The following PRUNE2 variants were observed in gnomAD, a reference collection of about 807,000 sequenced individuals.
PRUNE2 encodes the protein prune homolog 2 with BCH domain, also known as protein prune homolog 2.
A neutral mutation model predicts 252.0 loss-of-function variants in PRUNE2; 164 were observed. The observed-to-expected ratio is 0.65, with a 90% CI of 0.57 to 0.74. PRUNE2 has a LOEUF of 0.74. Ranked by LOEUF, PRUNE2 falls within the 30% of genes least tolerant of loss-of-function variation. The pLI is 0.00. For missense variants in PRUNE2, 3,495 were observed against 3,711.0 expected, an observed-to-expected ratio of 0.94 and a Z score of 1.51; for synonymous variants, 1,292 against 1,350.2, an observed-to-expected ratio of 0.96 and a Z score of 0.94.
At chr9:76,819,799 C>G (rs954075998) in intron 6 of PRUNE2, among the ~76,000 whole-genome samples, 1 of 152,154 alleles carries the variant, frequency 6.6e-6, no homozygotes, top group Non-Finnish European at 1.5e-5. Context: ...CGTGAGCAAC[C>G]TTGCTTCAGT....
chr9:76,619,952 T>C (rs1263408453), intron 17 of PRUNE2, among the ~76,000 whole-genome samples: 1 of 152,220 alleles, frequency 6.6e-6, no homozygotes, highest in African/African-American at 2.4e-5. Context: ...CAACTGAGTA[T>C]GCCCAGAAAA....
intron 9 of PRUNE2, among the ~76,000 whole-genome samples, chr9:76,699,697 C>A (rs539312564): frequency 2.6e-5 from 4 of 152,326 alleles, no homozygotes; most frequent in Admixed American, 2.0e-4. Context: ...CCTTAAAATT[C>A]TCTCAGTAGC....
At chr9:76,814,965 A>G (rs1237663800) in intron 6 of PRUNE2, among the ~76,000 whole-genome samples, 2 of 152,102 alleles carry the variant, frequency 1.3e-5, no homozygotes, top group African/African-American at 2.4e-5. Flanking sequence ...AAATAACTGT[A>G]TTTGTGGCTA....
chr9:76,891,791 C>T (rs1008182869), intron 1 of PRUNE2, among the ~76,000 whole-genome samples: 2 of 152,160 alleles, frequency 1.3e-5, no homozygotes, highest in African/African-American at 2.4e-5. Context: ...AGAGAATCTA[C>T]GCCCACCTCT....
chr9:76,628,961 C>T (rs1286812345), intron 16 of PRUNE2, among the ~76,000 whole-genome samples: 3 of 152,018 alleles, frequency 2.0e-5, no homozygotes, highest in African/African-American at 4.8e-5. Flanking sequence ...CCTCCCATCT[C>T]AGCCCCCTGA....
chr9:76,674,666 C>T (rs1379243576), intron 9 of PRUNE2, among the ~76,000 whole-genome samples: 1 of 148,134 alleles, frequency 6.8e-6, no homozygotes, highest in Non-Finnish European at 1.5e-5. Context: ...TCAAACTATA[C>T]TACAAGGCAA....
intron 1 of PRUNE2, among the ~76,000 whole-genome samples, chr9:76,859,867 T>C (rs2060457060): frequency 6.6e-6 from 1 of 152,146 alleles, no homozygotes; most frequent in South Asian, 2.1e-4. Flanking sequence ...CATGCCCAGC[T>C]AATTTTTCTT....
intron 9 of PRUNE2, among the ~76,000 whole-genome samples, chr9:76,696,692 C>T (rs1286687158): frequency 1.3e-5 from 2 of 152,232 alleles, no homozygotes; most frequent in Non-Finnish European, 2.9e-5. Context: ...TCCCAAAATG[C>T]TGGGATTACA....
At chr9:76,828,587 A>G (rs1454046824) in intron 4 of PRUNE2, among the ~76,000 whole-genome samples, 1 of 152,222 alleles carries the variant, frequency 6.6e-6, no homozygotes, top group Non-Finnish European at 1.5e-5. Flanking sequence ...TGGATAAGAA[A>G]AAAGGAAAGA....
chr9:76,711,999 G>A (rs1316857050), intron 7 of PRUNE2, among the ~76,000 whole-genome samples: 1 of 152,102 alleles, frequency 6.6e-6, no homozygotes, highest in African/African-American at 2.4e-5. Flanking sequence ...ACTGGGTTAC[G>A]GCTTTCTGAT....
chr9:76,777,528 A>G (rs566776249), intron 6 of PRUNE2, among the ~76,000 whole-genome samples: 18 of 152,168 alleles, frequency 1.2e-4, no homozygotes, highest in Non-Finnish European at 2.2e-4. Context: ...CGCCTTCCCA[A>G]ATGTATTCAT....
chr9:76,877,087 G>C lies in PRUNE2; in HGVS notation c.37-22879C>G, dbSNP rs553852890. 9.3e-4 allele frequency among the ~76,000 whole-genome samples: 142 copies of C among 152,066 alleles called. 1 individual carries two copies. The highest frequency in any genetic ancestry group is 3.4e-3 in the African/African-American group (139 of 41,462). ...CTAAAATAATGAGACTGGACCAAAT[G>C]ATCATTAAGATTCCCTTCAAGCTTT... is the stretch of plus-strand genomic sequence containing the variant. On this transcript the variant is annotated intron_variant, in intron 1 of 18. Coordinates refer to ENST00000376718, the MANE Select transcript of PRUNE2 (RefSeq NM_015225.3).
chr9:76,902,676 G>A (rs2063249033), intron 1 of PRUNE2, among the ~76,000 whole-genome samples: 1 of 152,164 alleles, frequency 6.6e-6, no homozygotes, highest in Admixed American at 6.5e-5. Context: ...CTGCTTGGAA[G>A]AAGTAACTAC....
chr9:76,616,768 C>T (rs1330289233), intron 18 of PRUNE2, among the ~76,000 whole-genome samples: 4 of 152,136 alleles, frequency 2.6e-5, no homozygotes, highest in South Asian at 4.2e-4. Context: ...AGAACAGCAA[C>T]GTTGTGGAGT....
chr9:76,839,636 G>A (rs951580465), intron 4 of PRUNE2, among the ~76,000 whole-genome samples: 2 of 152,174 alleles, frequency 1.3e-5, no homozygotes, highest in African/African-American at 2.4e-5. Context: ...GTTTGAAGCC[G>A]GAGGTTGAAA....
rs545459711 is a variant in PRUNE2, at chr9:76,677,283, TA to T, written c.8277-21782del. Among the ~76,000 whole-genome samples, 336 of 152,256 alleles carry T rather than the reference TA, an allele frequency of 2.2e-3. 1 individual carries two copies. The highest frequency in any genetic ancestry group is 6.4e-3 in the African/African-American group (265 of 41,540). On this transcript the variant is annotated intron_variant, in intron 9 of 18. Coordinates refer to ENST00000376718, the MANE Select transcript of PRUNE2 (RefSeq NM_015225.3). ...TTTTGGATTTTTTAAATTATTTGCT[TA>T]AAAAAAATTCATTATTTTATTTATG...
intron 6 of PRUNE2, among the ~76,000 whole-genome samples, chr9:76,805,550 G>T (rs1343508621): frequency 6.6e-6 from 1 of 152,142 alleles, no homozygotes; most frequent in Non-Finnish European, 1.5e-5. Context: ...CGCCATGATA[G>T]TATCACTGCA....
intron 6 of PRUNE2, among the ~76,000 whole-genome samples, chr9:76,813,189 G>A (rs1286622276): frequency 6.6e-6 from 1 of 152,174 alleles, no homozygotes; most frequent in African/African-American, 2.4e-5. Context: ...ATCAGAGCTT[G>A]TTTTATTGGT....
intron 9 of PRUNE2, among the ~76,000 whole-genome samples, chr9:76,668,346 T>A (rs562971582): frequency 1.3e-5 from 2 of 152,348 alleles, no homozygotes; most frequent in African/African-American, 4.8e-5. Flanking sequence ...TTTTCCCAAC[T>A]GTGCTATGCT....
Sources: allele counts gnomAD v4.1 joint callset (sites outside exome capture counted in the v4.1 genomes callset), GRCh38; gene constraint gnomAD v4.1.1; transcripts MANE v1.5; gene names NCBI Gene and HGNC (gene_info 2026-07-23, HGNC 2026-07-21).